Variants in SLIT3 observed in about 807,000 individuals in gnomAD.
SLIT3 encodes the protein slit guidance ligand 3, also known as slit homolog 3 protein.
Under a neutral mutation model 184.0 loss-of-function variants are expected in SLIT3, and 68 were observed. The observed-to-expected ratio is 0.37, with a 90% CI of 0.30 to 0.45. The LOEUF (loss-of-function observed/expected upper bound fraction) is 0.45. Ranked by LOEUF, SLIT3 falls within the 20% of genes least tolerant of loss-of-function variation. The probability of loss-of-function intolerance (pLI) is 1.00; values close to 1 mark genes in which losing one functional copy is unlikely to be tolerated. For synonymous variants in SLIT3, 831 were observed against 828.6 expected (o/e 1.00, Z -0.05); for missense variants, 1,707 against 2,026.0 (o/e 0.84, Z 3.02).
In SLIT3 at chr5:168,753,908, G is replaced by A. The variant is rs763629847; in HGVS notation, c.1785C>T (p.Thr595=). The change falls in exon 17 of 36, where the codon ACC becomes ACT. Residue 595 remains threonine (T), a synonymous_variant. Transcript: ENST00000519560. ...ELMLTGNQLE[T]VHGRVFRGLS... is the part of the protein sequence containing the mutation. ...GGCCACGGAACACGCGCCCGTGCAC[G>A]GTCTCCAGCTGGTTCCCTGTCAGCA... 3.8e-5 allele frequency: 61 copies of A among 1,612,026 alleles called. No homozygotes were observed. The East Asian group carries it at 6.2e-4, about 16-fold the overall frequency.
At chr5:168,834,965 A>G (rs1389268043) in intron 6 of SLIT3, among the ~76,000 whole-genome samples, 1 of 152,142 alleles carries the variant, frequency 6.6e-6, no homozygotes, top group Non-Finnish European at 1.5e-5. Flanking sequence ...TACACGTGGC[A>G]ATTCACACTG....
chr5:168,746,483 GTGGT>G (rs1201998754), intron 20 of SLIT3, among the ~76,000 whole-genome samples: 2,427 of 92,566 alleles, frequency 0.026, 376 homozygotes, highest in Admixed American at 0.064. Flanking sequence ...TGTGGGTGTG[GTGGT>G]GTGTGGTGGT....
intron 6 of SLIT3, among the ~76,000 whole-genome samples, chr5:168,838,714 C>T (rs950866830): frequency 3.9e-5 from 6 of 152,258 alleles, no homozygotes; most frequent in South Asian, 2.1e-4. Context: ...GGACTGCTGT[C>T]GATTTTTTTC....
chr5:168,758,303 C>T (rs937907157), intron 16 of SLIT3, among the ~76,000 whole-genome samples: 4 of 152,126 alleles, frequency 2.6e-5, no homozygotes, highest in African/African-American at 9.7e-5. Flanking sequence ...TGAAAGATTC[C>T]AAGTGCTTGA....
chr5:168,886,011 A>G (rs1760191863), intron 4 of SLIT3, among the ~76,000 whole-genome samples: 1 of 152,220 alleles, frequency 6.6e-6, no homozygotes, highest in Non-Finnish European at 1.5e-5. Context: ...TGCTGTAAAT[A>G]TAACCAGCCT....
At chr5:168,985,943 A>G (rs1208941958) in intron 4 of SLIT3, among the ~76,000 whole-genome samples, 1 of 152,134 alleles carries the variant, frequency 6.6e-6, no homozygotes, top group East Asian at 1.9e-4. Flanking sequence ...TTTCAGACCC[A>G]TAAGTCAATC....
chr5:169,029,439 A>C (rs1438235761), intron 4 of SLIT3, among the ~76,000 whole-genome samples: 1 of 152,220 alleles, frequency 6.6e-6, no homozygotes, highest in Non-Finnish European at 1.5e-5. Context: ...ACTGCATCAG[A>C]GACTGTGGGG....
At chr5:169,098,322 G>T (rs1759870706) in intron 4 of SLIT3, among the ~76,000 whole-genome samples, 1 of 152,178 alleles carries the variant, frequency 6.6e-6, no homozygotes, top group Non-Finnish European at 1.5e-5. Context: ...TATACACACA[G>T]TATACATGCA....
intron 4 of SLIT3, among the ~76,000 whole-genome samples, chr5:169,121,647 TATC>T (rs932152009): frequency 5.9e-5 from 9 of 152,310 alleles, no homozygotes; most frequent in African/African-American, 2.2e-4. Context: ...AAAATGCCAT[TATC>T]ATAAAAAATG....
At chr5:168,972,337 A>ATGTGTGTGTGTGTGTGTGTGTG (rs60588036) in intron 4 of SLIT3, among the ~76,000 whole-genome samples, 8,370 of 117,884 alleles carry the variant, frequency 0.071, 673 homozygotes, top group African/African-American at 0.096. Context: ...GCAGGACAAC[A>ATGTGTGTGTGTGTGTGTGTGTG]TGTGTGTGTG....
At chr5:168,718,136 G>T (rs1411747897) in intron 23 of SLIT3, 2 of 144,448 alleles carry the variant, frequency 1.4e-5, no homozygotes, top group Non-Finnish European at 3.0e-5. Flanking sequence ...CTCAGCAGAA[G>T]AATTTTCTGA....
In SLIT3 at chr5:168,666,326, T is replaced by G. The variant is rs1761039977; in HGVS notation, c.*128A>C. 6 of 849,092 alleles carry G rather than the reference T, an allele frequency of 7.1e-6. No homozygotes were observed. In the Admixed American group the frequency reaches 2.0e-4, roughly 29 times the overall value. The allele number at this position is 849,092 out of a possible 1,614,324, so 52.6% of individuals were successfully genotyped here. On this transcript the variant is annotated 3_prime_UTR_variant, in exon 36 of 36. Transcript: ENST00000519560. ...TTTGTTTATTTTACAATATACTTAA[T>G]ATTCTCTTCTTCTTTACCTTCCTCT...
intron 4 of SLIT3, among the ~76,000 whole-genome samples, chr5:168,977,897 C>T (rs1406329516): frequency 2.6e-5 from 4 of 152,206 alleles, no homozygotes; most frequent in Admixed American, 6.5e-5. Context: ...ATCTTGTCTA[C>T]ACCTCTTCTG....
chr5:168,957,660 G>A (rs1762871838), intron 4 of SLIT3, among the ~76,000 whole-genome samples: 1 of 152,232 alleles, frequency 6.6e-6, no homozygotes, highest in African/African-American at 2.4e-5. Context: ...GCTGGTCAAA[G>A]CAGACAGCTT....
intron 4 of SLIT3, among the ~76,000 whole-genome samples, chr5:169,135,709 A>G (rs1437298707): frequency 1.3e-5 from 2 of 152,208 alleles, no homozygotes; most frequent in African/African-American, 2.4e-5. Context: ...AGGAAGTCGC[A>G]AAATACTGGA....
At chr5:169,063,847 T>C (rs1030884553) in intron 4 of SLIT3, among the ~76,000 whole-genome samples, 3 of 152,236 alleles carry the variant, frequency 2.0e-5, no homozygotes, top group African/African-American at 7.2e-5. Flanking sequence ...TGTTAACAAC[T>C]ACTGCAAAAT....
chr5:169,107,820 C>G (rs1265058902), intron 4 of SLIT3, among the ~76,000 whole-genome samples: 1 of 152,250 alleles, frequency 6.6e-6, no homozygotes, highest in East Asian at 1.9e-4. Context: ...GCCTAGACTA[C>G]TGTTCTAACT....
At chr5:169,268,609 G>A (rs1467449762) in intron 1 of SLIT3, among the ~76,000 whole-genome samples, 1 of 152,160 alleles carries the variant, frequency 6.6e-6, no homozygotes, top group Non-Finnish European at 1.5e-5. Context: ...ACAGGGCACG[G>A]AGTTGAGGAA....
intron 1 of SLIT3, among the ~76,000 whole-genome samples, chr5:169,252,302 A>G (rs2113596204): frequency 6.6e-6 from 1 of 152,330 alleles, no homozygotes; most frequent in Middle Eastern, 3.4e-3. Context: ...TTAGGTAAAG[A>G]CATTTGCATG....
Sources: gnomAD v4.1 joint callset for allele counts (sites outside exome capture counted in the v4.1 genomes callset) on GRCh38, gnomAD v4.1.1 for gene constraint, MANE v1.5 for transcripts, NCBI Gene and HGNC (gene_info 2026-07-23, HGNC 2026-07-21) for gene names.